POU2AF1: variants seen among roughly 807,000 people sequenced by gnomAD.
The protein encoded by POU2AF1 is POU domain class 2-associating factor 1.
In POU2AF1, 12 loss-of-function variants were observed where a neutral mutation model predicts 26.3. The ratio of observed to expected loss-of-function variants is 0.46; its 90% CI spans 0.29 to 0.74. The LOEUF is 0.74. Among genes scored for constraint, POU2AF1 ranks in the 30% least tolerant of loss-of-function variants. POU2AF1 has a pLI of 0.09. For missense variants in POU2AF1, 297 were observed against 334.5 expected, an observed-to-expected ratio of 0.89 and a Z score of 0.87; for synonymous variants, 175 against 148.0, an observed-to-expected ratio of 1.18 and a Z score of -1.32.
At chr11:111,358,602 TCTCACA>T (rs1860931215) in intron 2 of POU2AF1, among the ~76,000 whole-genome samples, 180 bp downstream of exon 2, 1 of 37,810 alleles carries the variant, frequency 2.6e-5, no homozygotes, top group East Asian at 4.3e-4. Flanking sequence ...ACACATACAC[TCTCACA>T]CACTGACGCA....
chr11:111,366,667 G>C (rs1265649160), intron 1 of POU2AF1, among the ~76,000 whole-genome samples: 1 of 152,106 alleles, frequency 6.6e-6, no homozygotes, highest in East Asian at 1.9e-4. Flanking sequence ...GCTGAACCAG[G>C]GTCCACGGTC....
At chr11:111,365,811 C>T (rs1293126835) in intron 1 of POU2AF1, among the ~76,000 whole-genome samples, 1 of 150,818 alleles carries the variant, frequency 6.6e-6, no homozygotes, top group Non-Finnish European at 1.5e-5. Flanking sequence ...GAGCCAAGAT[C>T]GCACCATTGC....
chr11:111,377,072 C>A (rs1162416020), intron 1 of POU2AF1, among the ~76,000 whole-genome samples: 1 of 152,054 alleles, frequency 6.6e-6, no homozygotes, highest in Non-Finnish European at 1.5e-5. Context: ...AGGAAGCATG[C>A]CCTCCAGCAT....
At chr11:111,359,991 G>A (rs745724457) in intron 1 of POU2AF1, 1 of 519,052 alleles carries the variant, frequency 1.9e-6, no homozygotes, top group Non-Finnish European at 3.8e-6. Context: ...GTACCCTGGG[G>A]CCAGACAGTG....
Position 111,352,888 on chromosome 11 carries a change from G to C in POU2AF1, c.*1373C>G, listed in dbSNP as rs979197320. 1.1e-5 allele frequency: 2 copies of C among 175,960 alleles called. No individual in the cohort carries two copies. The highest frequency in any genetic ancestry group is 4.0e-4 in the South Asian group (2 of 4,980). The allele number at this position is 175,960 out of a possible 1,614,324, so 10.9% of individuals were successfully genotyped here. The stretch of plus-strand genomic sequence containing the variant: ...GACAGAGGTGCAGTGAGCCAAGATC[G>C]CACCATTGTACTCCAGCCTGGGCAA... On this transcript the variant is annotated 3_prime_UTR_variant, in exon 5 of 5. Coordinates refer to ENST00000393067, the MANE Select transcript of POU2AF1 (RefSeq NM_006235.3).
At chr11:111,370,624 C>T (rs1415861471) in intron 1 of POU2AF1, among the ~76,000 whole-genome samples, 4 of 152,038 alleles carry the variant, frequency 2.6e-5, no homozygotes, top group East Asian at 1.9e-4. Context: ...CAAAACCGCA[C>T]GATTTTTATT....
chr11:111,372,053 C>CAGAGAGAGAGAGAGAGAGAGAG (rs1452632987), intron 1 of POU2AF1, among the ~76,000 whole-genome samples: 2 of 128,092 alleles, frequency 1.6e-5, no homozygotes, highest in African/African-American at 6.8e-5. Context: ...CACACACACA[C>CAGAGAGAGAGAGAGAGAGAGAG]ACACACACAC....
chr11:111,358,932 T>C lies in POU2AF1; in HGVS notation c.17-14A>G. 1 of 1,595,196 alleles carries C rather than the reference T, an allele frequency of 6.3e-7. No individual in the cohort carries two copies. Among genetic ancestry groups the C allele is most frequent in the Non-Finnish European group, 8.5e-7 (1 of 1,175,848 alleles). On this transcript the variant is annotated splice_polypyrimidine_tract_variant and intron_variant, in intron 1 of 4. Coordinates refer to ENST00000393067, the MANE Select transcript of POU2AF1 (RefSeq NM_006235.3). ...CCGGAGCTGTGGCTGTGAAAAGCAA[T>C]GTCCCTGGAGCCCATGGTCCTTCTC...
intron 1 of POU2AF1, among the ~76,000 whole-genome samples, chr11:111,373,761 G>T (rs375043955): frequency 7.0e-6 from 1 of 143,744 alleles, no homozygotes; most frequent in Non-Finnish European, 1.5e-5. Context: ...ACAAGTGCTT[G>T]TCCCCAGTAT....
intron 4 of POU2AF1, 63 bp downstream of exon 4, chr11:111,357,382 G>A: frequency 6.3e-7 from 1 of 1,597,990 alleles, no homozygotes; most frequent in African/African-American, 1.3e-5. Flanking sequence ...CGAGAAGTCA[G>A]CTCTGGTTAT....
intron 1 of POU2AF1, among the ~76,000 whole-genome samples, chr11:111,372,019 C>CA (rs1377263392): frequency 7.0e-6 from 1 of 143,548 alleles, no homozygotes; most frequent in Non-Finnish European, 1.5e-5. Context: ...CCCACCTAAA[C>CA]ACACACAAAT....
intron 1 of POU2AF1, among the ~76,000 whole-genome samples, chr11:111,369,684 C>A (rs1299847738): frequency 6.6e-6 from 1 of 152,154 alleles, no homozygotes; most frequent in Non-Finnish European, 1.5e-5. Context: ...GAGAAAGGGC[C>A]TAAACAGAGC....
chr11:111,356,974 G>T (rs886644912), intron 4 of POU2AF1, among the ~76,000 whole-genome samples: 2 of 152,190 alleles, frequency 1.3e-5, no homozygotes, highest in Non-Finnish European at 2.9e-5. Flanking sequence ...CCACACGTGG[G>T]TCTGACACCA....
At chr11:111,369,707 G>A (rs540806379) in intron 1 of POU2AF1, among the ~76,000 whole-genome samples, 5 of 152,236 alleles carry the variant, frequency 3.3e-5, no homozygotes, top group Admixed American at 1.3e-4. Flanking sequence ...CAGACCTACC[G>A]TCCCAGACCA....
intron 1 of POU2AF1, among the ~76,000 whole-genome samples, chr11:111,372,067 CACAG>C (rs1322516043): frequency 2.1e-5 from 3 of 144,428 alleles, no homozygotes; most frequent in Admixed American, 6.8e-5. Context: ...CACACACACA[CACAG>C]AGAGAGAGAG....
chr11:111,363,039 T>C, intron 1 of POU2AF1: 4 of 736,332 alleles, frequency 5.4e-6, no homozygotes, highest in Non-Finnish European at 6.7e-6. Context: ...TGTTTCTAAG[T>C]CGATGAACAA....
At chr11:111,364,693 T>A (rs186444874) in intron 1 of POU2AF1, among the ~76,000 whole-genome samples, 93 of 152,208 alleles carry the variant, frequency 6.1e-4, no homozygotes, top group Non-Finnish European at 9.1e-4. Context: ...GTTAAGAGAG[T>A]TGCTCTAATG....
intron 1 of POU2AF1, among the ~76,000 whole-genome samples, chr11:111,366,506 A>T (rs1392069005): frequency 6.6e-6 from 1 of 152,220 alleles, no homozygotes; most frequent in Non-Finnish European, 1.5e-5. Flanking sequence ...GATCACAAAG[A>T]TGGTGGCTGA....
At chr11:111,369,644 C>T (rs1391919242) in intron 1 of POU2AF1, among the ~76,000 whole-genome samples, 1 of 152,156 alleles carries the variant, frequency 6.6e-6, no homozygotes, top group Non-Finnish European at 1.5e-5. Flanking sequence ...GGCATTGCCT[C>T]AAATTTGCTG....
Sources: allele counts gnomAD v4.1 joint callset (sites outside exome capture counted in the v4.1 genomes callset), GRCh38; gene constraint gnomAD v4.1.1; transcripts MANE v1.5; gene names NCBI Gene and HGNC (gene_info 2026-07-23, HGNC 2026-07-21).